PTPN1: variants seen among roughly 807,000 people sequenced by gnomAD.
PTPN1 encodes protein tyrosine phosphatase non-receptor type 1, also known as tyrosine-protein phosphatase non-receptor type 1.
A neutral mutation model predicts 59.9 loss-of-function variants in PTPN1; 12 were observed. The observed-to-expected ratio is 0.20, with a 90% CI of 0.13 to 0.32. PTPN1 has a LOEUF of 0.32. Ranked by LOEUF, PTPN1 falls within the 10% of genes least tolerant of loss-of-function variation. The pLI, the probability that PTPN1 is intolerant of heterozygous loss-of-function variation, is 1.00. For synonymous variants in PTPN1, 178 were observed against 203.6 expected, an observed-to-expected ratio of 0.87 and a Z score of 1.07; for missense variants, 356 against 549.2, an observed-to-expected ratio of 0.65 and a Z score of 3.52.
intron 1 of PTPN1, among the ~76,000 whole-genome samples, chr20:50,547,417 G>A (rs913928733): frequency 7.9e-5 from 12 of 151,926 alleles, no homozygotes; most frequent in Non-Finnish European, 1.5e-5. Context: ...AGGCTAGAGT[G>A]CAATGGTATG....
intron 1 of PTPN1, among the ~76,000 whole-genome samples, chr20:50,511,150 C>G (rs1433022368): frequency 2.0e-5 from 3 of 152,148 alleles, no homozygotes; most frequent in Admixed American, 6.6e-5. Context: ...TGCTAGGCAC[C>G]GCTTAGGCAT....
At chr20:50,547,041 TA>T (rs1303438550) in intron 1 of PTPN1, among the ~76,000 whole-genome samples, 1 of 152,002 alleles carries the variant, frequency 6.6e-6, no homozygotes, top group Non-Finnish European at 1.5e-5. Flanking sequence ...CTCAGCATTT[TA>T]AAAAAAATAG....
chr20:50,574,974 T>G (rs1041212844), intron 5 of PTPN1: 1 of 280,890 alleles, frequency 3.6e-6, no homozygotes, highest in Non-Finnish European at 6.6e-6. Context: ...CAAGTCCCAG[T>G]GAAGCATGCT....
chr20:50,511,638 CAT>C (rs1320753433), intron 1 of PTPN1, among the ~76,000 whole-genome samples: 1 of 152,150 alleles, frequency 6.6e-6, no homozygotes, highest in Non-Finnish European at 1.5e-5. Context: ...GAGGGTTTCT[CAT>C]ATATCTATAA....
rs2082790468 is a variant in PTPN1, at chr20:50,568,549, G to T, written c.354+71G>T. Reference sequence around the variant, plus strand: ...TCCATATAGTTACCATTTTCGTCCAGATTTTTAAATTATTTTTCTTGCCTT... The same window carrying T: ...TCCATATAGTTACCATTTTCGTCCATATTTTTAAATTATTTTTCTTGCCTT... On this transcript the variant is annotated intron_variant, in intron 4 of 9. Coordinates refer to ENST00000371621, the MANE Select transcript of PTPN1 (RefSeq NM_002827.4). The surrounding 1 kb of genome is among the most constrained non-coding windows in gnomAD (Gnocchi z 5.6). The T allele has an allele frequency of 1.6e-6, 2 of 1,259,594 alleles. No individual in the cohort carries two copies. The highest frequency in any genetic ancestry group is 2.5e-5 in the South Asian group (2 of 80,290). 78.0% of individuals were successfully genotyped at this position (1,259,594 alleles called of 1,614,324 possible).
At chr20:50,534,363 C>T (rs1019551234) in intron 1 of PTPN1, among the ~76,000 whole-genome samples, 3 of 152,154 alleles carry the variant, frequency 2.0e-5, no homozygotes, top group Admixed American at 6.6e-5. Flanking sequence ...CAAGCACTTA[C>T]GCCATTTTTT....
chr20:50,529,920 G>A (rs2082593332), intron 1 of PTPN1, among the ~76,000 whole-genome samples: 1 of 152,092 alleles, frequency 6.6e-6, no homozygotes, highest in Non-Finnish European at 1.5e-5. Context: ...TGTCGCCCAG[G>A]CTGGAGTGCA....
At chr20:50,512,125 A>G (rs1289235895) in intron 1 of PTPN1, among the ~76,000 whole-genome samples, 1 of 152,254 alleles carries the variant, frequency 6.6e-6, no homozygotes, top group African/African-American at 2.4e-5. Flanking sequence ...ATTGATCAGT[A>G]TATAAAATTT....
At chr20:50,551,876 G>C (rs1005889772) in intron 1 of PTPN1, among the ~76,000 whole-genome samples, 8 of 152,084 alleles carry the variant, frequency 5.3e-5, no homozygotes, top group African/African-American at 1.9e-4. Flanking sequence ...TGGCTCATCA[G>C]TTTACCCAGC....
chr20:50,511,023 C>T (rs902545276), intron 1 of PTPN1, among the ~76,000 whole-genome samples: 1 of 152,148 alleles, frequency 6.6e-6, no homozygotes. Context: ...CTCCCCCCGT[C>T]CCTCCTTCAC....
chr20:50,560,415 C>T (rs1437931628), intron 1 of PTPN1, among the ~76,000 whole-genome samples: 2 of 152,162 alleles, frequency 1.3e-5, no homozygotes, highest in Non-Finnish European at 2.9e-5. Context: ...GAATCCCACT[C>T]CTCCTTCCTG....
At chr20:50,570,919 A>G (rs1398812720) in intron 4 of PTPN1, 1 of 152,232 alleles carries the variant, frequency 6.6e-6, no homozygotes, top group Non-Finnish European at 1.5e-5. Context: ...TCTAGATGGT[A>G]TTGAGGGTTG....
At chr20:50,529,978 G>A (rs545481610) in intron 1 of PTPN1, among the ~76,000 whole-genome samples, 20 of 152,100 alleles carry the variant, frequency 1.3e-4, no homozygotes, top group Admixed American at 1.1e-3. Flanking sequence ...AGGTTCAAGC[G>A]ATTCTCGTGC....
At chr20:50,558,289 T>A (rs2082734881) in intron 1 of PTPN1, among the ~76,000 whole-genome samples, 2 of 152,256 alleles carry the variant, frequency 1.3e-5, no homozygotes. Flanking sequence ...TTTTACCTTT[T>A]TTTGTAGCCA....
intron 1 of PTPN1, among the ~76,000 whole-genome samples, chr20:50,546,057 G>T (rs1461834752): frequency 1.3e-5 from 2 of 151,940 alleles, no homozygotes; most frequent in Middle Eastern, 3.4e-3. Flanking sequence ...GAAAGAAGAA[G>T]AATTAAAAAA....
At chr20:50,539,951 G>C (rs6020589) in intron 1 of PTPN1, among the ~76,000 whole-genome samples, 1 of 150,812 alleles carries the variant, frequency 6.6e-6, no homozygotes, top group Non-Finnish European at 1.5e-5. Flanking sequence ...ACATTGCTTG[G>C]GTTTCCTTCT....
intron 2 of PTPN1, among the ~76,000 whole-genome samples, chr20:50,562,756 G>A (rs547089074): frequency 6.6e-6 from 1 of 152,240 alleles, no homozygotes; most frequent in Non-Finnish European, 1.5e-5. Flanking sequence ...AAAAACCTTG[G>A]TGATTCTGCT....
intron 1 of PTPN1, among the ~76,000 whole-genome samples, chr20:50,552,912 C>T (rs2082709420): frequency 6.6e-6 from 1 of 152,044 alleles, no homozygotes; most frequent in Non-Finnish European, 1.5e-5. Flanking sequence ...ATCTCTGTTC[C>T]AGTGTCACTT....
chr20:50,510,873 C>A (rs1032053216), intron 1 of PTPN1, among the ~76,000 whole-genome samples: 3 of 152,012 alleles, frequency 2.0e-5, no homozygotes, highest in African/African-American at 7.3e-5. Flanking sequence ...GTGCTCTCAA[C>A]GCGAATCCCT....
Sources: gnomAD v4.1 joint callset for allele counts (sites outside exome capture counted in the v4.1 genomes callset) on GRCh38, gnomAD v4.1.1 for gene constraint, Gnocchi (gnomAD v3.1) non-coding constraint, MANE v1.5 for transcripts, NCBI Gene and HGNC (gene_info 2026-07-23, HGNC 2026-07-21) for gene names.